MDGA2: variants seen among roughly 807,000 people sequenced by gnomAD.
MDGA2 encodes MAM domain containing glycosylphosphatidylinositol anchor 2, also known as MAM domain-containing glycosylphosphatidylinositol anchor protein 2.
Under a neutral mutation model 117.8 loss-of-function variants are expected in MDGA2, and 40 were observed. The observed-to-expected ratio is 0.34, with a 90% CI of 0.26 to 0.44. The LOEUF (loss-of-function observed/expected upper bound fraction) is 0.44, where lower values mean the gene tolerates loss of function less well. Ranked by LOEUF, MDGA2 falls within the 20% of genes least tolerant of loss-of-function variation. MDGA2 has a pLI of 1.00. For synonymous variants in MDGA2, 452 were observed against 439.0 expected, an observed-to-expected ratio of 1.03 and a Z score of -0.37; for missense variants, 1,123 against 1,250.6, an observed-to-expected ratio of 0.90 and a Z score of 1.54.
chr14:47,335,441 A>T (rs1890415407), intron 1 of MDGA2, among the ~76,000 whole-genome samples: 1 of 151,446 alleles, frequency 6.6e-6, no homozygotes, highest in South Asian at 2.1e-4. Context: ...AAGCCTTCCA[A>T]GTTTTGGAAG....
chr14:47,216,936 A>T (rs572107736), intron 3 of MDGA2, among the ~76,000 whole-genome samples: 1 of 152,114 alleles, frequency 6.6e-6, no homozygotes, highest in East Asian at 1.9e-4. Context: ...GGGCCTCAGG[A>T]AATAGAAGAT....
chr14:47,022,613 T>C (rs886094885), intron 8 of MDGA2, among the ~76,000 whole-genome samples: 1 of 152,066 alleles, frequency 6.6e-6, no homozygotes, highest in Non-Finnish European at 1.5e-5. Flanking sequence ...TTTAAAAAGG[T>C]ACAGACTTAG....
At chr14:47,615,351 A>G (rs896199479) in intron 1 of MDGA2, among the ~76,000 whole-genome samples, 1 of 152,228 alleles carries the variant, frequency 6.6e-6, no homozygotes, top group Non-Finnish European at 1.5e-5. Context: ...ATTCATGAAC[A>G]TATTAAGAGT....
At chr14:47,452,819 T>A (rs886603744) in intron 1 of MDGA2, among the ~76,000 whole-genome samples, 2 of 152,086 alleles carry the variant, frequency 1.3e-5, no homozygotes, top group Non-Finnish European at 2.9e-5. Context: ...TTTTTATATC[T>A]TTACCATGCT....
chr14:47,122,247 G>GA (rs1223692832), intron 5 of MDGA2, among the ~76,000 whole-genome samples: 1 of 152,036 alleles, frequency 6.6e-6, no homozygotes, highest in Non-Finnish European at 1.5e-5. Flanking sequence ...CTCTACTGTA[G>GA]AGAGAACCAG....
intron 1 of MDGA2, chr14:47,444,002 A>G (rs539616994): frequency 6.6e-6 from 1 of 152,452 alleles, no homozygotes; most frequent in South Asian, 2.1e-4. Flanking sequence ...TCTTTTCCAC[A>G]GCATAGGCTC....
intron 9 of MDGA2, among the ~76,000 whole-genome samples, chr14:46,931,025 A>ATTTCCGAC (rs1178844617): frequency 6.6e-6 from 1 of 151,898 alleles, no homozygotes; most frequent in Non-Finnish European, 1.5e-5. Context: ...GACCAGTCTG[A>ATTTCCGAC]CTAACATGGT....
chr14:46,892,213 T>A (rs2138420385), intron 10 of MDGA2, among the ~76,000 whole-genome samples: 1 of 151,788 alleles, frequency 6.6e-6, no homozygotes, highest in East Asian at 1.9e-4. Context: ...AACTTAAGCA[T>A]ATGCAGTCAA....
chr14:47,667,546 T>C (rs1267347087), intron 1 of MDGA2, among the ~76,000 whole-genome samples: 1 of 152,258 alleles, frequency 6.6e-6, no homozygotes, highest in Non-Finnish European at 1.5e-5. Flanking sequence ...TTTTTCTTTT[T>C]CATCCTGATG....
intron 1 of MDGA2, among the ~76,000 whole-genome samples, chr14:47,468,060 G>A (rs554647961): frequency 3.0e-4 from 46 of 152,214 alleles, no homozygotes; most frequent in African/African-American, 1.0e-3. Context: ...CAGTGATGTG[G>A]GTTTTGCATT....
chr14:46,932,231 T>A (rs561989696), intron 9 of MDGA2, among the ~76,000 whole-genome samples: 7 of 152,138 alleles, frequency 4.6e-5, no homozygotes, highest in African/African-American at 1.7e-4. Context: ...TTATGGCAAC[T>A]TCAATTTTCT....
chr14:46,962,577 A>C (rs1885854328), intron 8 of MDGA2, among the ~76,000 whole-genome samples: 1 of 152,206 alleles, frequency 6.6e-6, no homozygotes, highest in Non-Finnish European at 1.5e-5. Flanking sequence ...AAATTTGACA[A>C]AGTATTTTTC....
chr14:46,909,492 CTGCATCAACA>C (rs1883619386), intron 10 of MDGA2, among the ~76,000 whole-genome samples: 1 of 152,088 alleles, frequency 6.6e-6, no homozygotes, highest in Admixed American at 6.6e-5. Flanking sequence ...GGCCTGGTAC[CTGCATCAACA>C]TGCTCCCTCC....
intron 2 of MDGA2, among the ~76,000 whole-genome samples, chr14:47,278,387 C>T (rs181808769): frequency 6.4e-4 from 93 of 144,604 alleles, no homozygotes; most frequent in African/African-American, 2.2e-3. Flanking sequence ...GTCATGAAGC[C>T]AGAACTCAGA....
At chr14:47,481,699 G>A (rs763163210) in intron 1 of MDGA2, among the ~76,000 whole-genome samples, 10 of 151,894 alleles carry the variant, frequency 6.6e-5, no homozygotes, top group Non-Finnish European at 1.3e-4. Context: ...CTAGGTAGGA[G>A]GCATTCAAAG....
chr14:47,493,278 A>G (rs1894210611), intron 1 of MDGA2, among the ~76,000 whole-genome samples: 1 of 149,104 alleles, frequency 6.7e-6, no homozygotes, highest in African/African-American at 2.4e-5. Context: ...TAACAAAATC[A>G]TGTAAAATAT....
Position 47,352,992 on chromosome 14 carries a change from T to C in MDGA2, c.281-51442A>G, listed in dbSNP as rs539923312. Among the ~76,000 whole-genome samples, 3 of 152,162 alleles carry C rather than the reference T, an allele frequency of 2.0e-5. No homozygotes were observed. The South Asian group carries it at 6.2e-4, about 32-fold the overall frequency. On this transcript the variant is annotated intron_variant, in intron 1 of 16. Transcript: ENST00000399232. The stretch of plus-strand genomic sequence containing the variant: ...TGAAAGTTAGGTGCAGAATAGACAG[T>C]ACACCCTGAAAGAGAGGATTCAGGG...
At chr14:47,258,358 G>A (rs991413522) in intron 2 of MDGA2, among the ~76,000 whole-genome samples, 1 of 152,070 alleles carries the variant, frequency 6.6e-6, no homozygotes, top group African/African-American at 2.4e-5. Context: ...AGGCGGAGAG[G>A]AAGGAGGCAT....
chr14:47,572,833 A>G (rs1214993080), intron 1 of MDGA2, among the ~76,000 whole-genome samples: 1 of 152,224 alleles, frequency 6.6e-6, no homozygotes, highest in Non-Finnish European at 1.5e-5. Flanking sequence ...AGCACAATCC[A>G]ATAGTGTAAA....
Sources: allele counts gnomAD v4.1 joint callset (sites outside exome capture counted in the v4.1 genomes callset), GRCh38; gene constraint gnomAD v4.1.1; transcripts MANE v1.5; gene names NCBI Gene and HGNC (gene_info 2026-07-23, HGNC 2026-07-21).